The following RBMS3 variants were observed in gnomAD, a reference collection of about 807,000 sequenced individuals.
RBMS3 encodes RNA binding motif single stranded interacting protein 3, also known as RNA-binding motif, single-stranded-interacting protein 3.
A neutral mutation model predicts 66.8 loss-of-function variants in RBMS3; 27 were observed. The ratio of observed to expected loss-of-function variants is 0.40; its 90% confidence interval spans 0.30 to 0.56. RBMS3 has a LOEUF of 0.56. Ranked by LOEUF, RBMS3 falls within the 20% of genes least tolerant of loss-of-function variation. RBMS3 has a pLI of 0.40. For missense variants in RBMS3, 513 were observed against 549.5 expected, an observed-to-expected ratio of 0.93 and a Z score of 0.66; for synonymous variants, 188 against 183.0, an observed-to-expected ratio of 1.03 and a Z score of -0.22.
intron 3 of RBMS3, among the ~76,000 whole-genome samples, chr3:29,584,320 T>A (rs1321194093): frequency 6.6e-6 from 1 of 152,164 alleles, no homozygotes; most frequent in East Asian, 1.9e-4. Context: ...TTTCTTCTTA[T>A]GTAATGCCTA....
chr3:29,903,985 A>G (rs1235885071), intron 10 of RBMS3, among the ~76,000 whole-genome samples: 2 of 151,978 alleles, frequency 1.3e-5, no homozygotes, highest in Non-Finnish European at 2.9e-5. Flanking sequence ...TAATTTGGTC[A>G]TTCTTTGCCC....
At chr3:29,999,340 T>C (rs1559878747) in intron 14 of RBMS3, among the ~76,000 whole-genome samples, 1 of 152,220 alleles carries the variant, frequency 6.6e-6, no homozygotes, top group Non-Finnish European at 1.5e-5. Context: ...TCAAACATTG[T>C]AGAAGTCAGT....
At chr3:29,402,613 G>A (rs992606118) in intron 1 of RBMS3, among the ~76,000 whole-genome samples, 4 of 151,942 alleles carry the variant, frequency 2.6e-5, no homozygotes, top group Non-Finnish European at 5.9e-5. Flanking sequence ...TTCCCCATTT[G>A]TTTAAGACAT....
intron 8 of RBMS3, among the ~76,000 whole-genome samples, chr3:29,890,967 C>CT (rs2059988350): frequency 6.6e-6 from 1 of 151,434 alleles, no homozygotes; most frequent in African/African-American, 2.4e-5. Context: ...AGGCTTCTTG[C>CT]TAGTGCAGTG....
Position 29,901,814 on chromosome 3 carries a change from G to T in RBMS3, c.939+2059G>T, listed in dbSNP as rs535121200. 2.6e-5 allele frequency among the ~76,000 whole-genome samples: 4 copies of T among 151,864 alleles called. No individual in the cohort carries two copies. In the East Asian group the frequency reaches 7.8e-4, roughly 30 times the overall value. On this transcript the variant is annotated intron_variant, in intron 10 of 14. Transcript: ENST00000383767. The stretch of plus-strand genomic sequence containing the variant: ...GTGGATTCCTGGAAAAATAGAAGTG[G>T]CTGGGCCACACACCACTTTGCTATC...
intron 1 of RBMS3, among the ~76,000 whole-genome samples, chr3:29,344,038 T>C (rs1575582669): frequency 6.6e-6 from 1 of 152,246 alleles, no homozygotes; most frequent in Non-Finnish European, 1.5e-5. Context: ...AGCTGCCATT[T>C]GGACTTAGAT....
rs2042660684 is a variant in RBMS3, at chr3:29,469,836, G to A, written c.249-18605G>A. ...GCAAGAAAGTTCACAACTAAGCCAT[G>A]TATTCTTTAAATTCTGTCATGTGTT... is the stretch of plus-strand genomic sequence containing the variant. On this transcript the variant is annotated intron_variant, in intron 2 of 14. Transcript: ENST00000383767. Among the ~76,000 whole-genome samples, 6 of 150,716 alleles carry A rather than the reference G, an allele frequency of 4.0e-5. No individual in the cohort carries two copies. The South Asian group carries it at 1.3e-3, about 31-fold the overall frequency.
At chr3:29,414,805 G>A (rs1321102324) in intron 1 of RBMS3, among the ~76,000 whole-genome samples, 1 of 152,090 alleles carries the variant, frequency 6.6e-6, no homozygotes, top group Non-Finnish European at 1.5e-5. Context: ...GTCAAGCATC[G>A]GGGCATAAAT....
At chr3:29,295,769 G>A (rs1305904865) in intron 1 of RBMS3, among the ~76,000 whole-genome samples, 2 of 151,590 alleles carry the variant, frequency 1.3e-5, no homozygotes, top group Non-Finnish European at 3.0e-5. Context: ...AGGTGGACAT[G>A]CATTTTATTG....
rs982455682 is a variant in RBMS3, at chr3:29,880,406, T to C, written c.745-3756T>C. Among the ~76,000 whole-genome samples the C allele has an allele frequency of 7.9e-5, 12 of 152,330 alleles. No homozygotes were observed. In the East Asian group the frequency reaches 2.1e-3, roughly 27 times the overall value. On this transcript the variant is annotated intron_variant, in intron 7 of 14. Coordinates refer to ENST00000383767, the MANE Select transcript of RBMS3 (RefSeq NM_001003793.3). ...CATTTTGTTCCAAGGTATTTTACTTTTTGTGTGATTCTTGAGTTTGTAAAC... is the reference window on the plus strand; with the variant it reads ...CATTTTGTTCCAAGGTATTTTACTTCTTGTGTGATTCTTGAGTTTGTAAAC...
At chr3:29,812,718 G>C (rs1471973513) in intron 6 of RBMS3, among the ~76,000 whole-genome samples, 1 of 152,152 alleles carries the variant, frequency 6.6e-6, no homozygotes, top group African/African-American at 2.4e-5. Context: ...CCAAAAGTGA[G>C]AAAGAGTTTT....
At chr3:29,488,361 G>T (rs1190956894) in intron 2 of RBMS3, 80 bp from the exon 3 acceptor site, 3 of 1,208,616 alleles carry the variant, frequency 2.5e-6, no homozygotes, top group Non-Finnish European at 3.6e-6. Flanking sequence ...AGTTGTGTGT[G>T]CCCCGATGTT....
At chr3:29,748,774 A>G (rs771004525) in intron 5 of RBMS3, among the ~76,000 whole-genome samples, 1 of 152,230 alleles carries the variant, frequency 6.6e-6, no homozygotes, top group African/African-American at 2.4e-5. Context: ...TGAAGAAAGC[A>G]TAGTAGATGA....
chr3:29,811,286 C>T (rs2057722552), intron 6 of RBMS3, among the ~76,000 whole-genome samples: 2 of 152,094 alleles, frequency 1.3e-5, no homozygotes, highest in Non-Finnish European at 2.9e-5. Context: ...AGAGTCATCT[C>T]CAGATCCACC....
chr3:29,559,990 G>C (rs1040430354), intron 3 of RBMS3, among the ~76,000 whole-genome samples: 4 of 152,134 alleles, frequency 2.6e-5, no homozygotes, highest in Middle Eastern at 3.2e-3. Context: ...CCAAGTGTTA[G>C]TGCATTACAT....
chr3:29,584,397 A>G (rs1453746681), intron 3 of RBMS3, among the ~76,000 whole-genome samples: 2 of 151,920 alleles, frequency 1.3e-5, no homozygotes, highest in Non-Finnish European at 2.9e-5. Context: ...GGCATTTTTG[A>G]CTATTTCCTA....
intron 4 of RBMS3, among the ~76,000 whole-genome samples, chr3:29,602,772 T>A (rs369459045): frequency 6.6e-6 from 1 of 151,988 alleles, no homozygotes; most frequent in African/African-American, 2.4e-5. Context: ...TTGCTTAACA[T>A]CTTATTCCTA....
chr3:29,735,557 C>T (rs2054341286), intron 4 of RBMS3, among the ~76,000 whole-genome samples: 1 of 152,072 alleles, frequency 6.6e-6, no homozygotes, highest in Non-Finnish European at 1.5e-5. Flanking sequence ...ATATACACTG[C>T]AAAATATTCA....
chr3:29,930,589 A>C (rs1356497198), intron 10 of RBMS3, among the ~76,000 whole-genome samples: 3 of 152,078 alleles, frequency 2.0e-5, no homozygotes, highest in African/African-American at 7.2e-5. Flanking sequence ...ATGTATAGCA[A>C]CATCAATAAC....
Sources: allele counts gnomAD v4.1 joint callset (sites outside exome capture counted in the v4.1 genomes callset), GRCh38; gene constraint gnomAD v4.1.1; transcripts MANE v1.5; gene names NCBI Gene and HGNC (gene_info 2026-07-23, HGNC 2026-07-21).